The following RANBP2 variants were observed in gnomAD, a reference collection of about 807,000 sequenced individuals.
The protein encoded by RANBP2 is E3 SUMO-protein ligase RanBP2.
In RANBP2, 57 loss-of-function variants were observed where a neutral mutation model predicts 303.6. That is an observed-to-expected ratio of 0.19 (90% CI 0.15 to 0.23). The LOEUF is 0.23. RANBP2 is among the 10% of genes least tolerant of loss of function. The pLI is 1.00. For synonymous variants in RANBP2, 1,167 were observed against 1,301.5 expected (o/e 0.90, Z 2.23); for missense variants, 3,138 against 3,780.8 (o/e 0.83, Z 4.46).
the RANBP2 span, among the ~76,000 whole-genome samples, chr2:109,663,335 G>T: frequency 6.6e-6 from 1 of 152,132 alleles, no homozygotes; most frequent in Non-Finnish European, 1.5e-5. Context: ...TCCTCCATTA[G>T]CTGGGGATAT....
chr2:108,940,854 T>A, the RANBP2 span, among the ~76,000 whole-genome samples: 2 of 152,360 alleles, frequency 1.3e-5, no homozygotes, highest in East Asian at 3.9e-4. Context: ...ATTGCTCAGA[T>A]GATAGTTTTA....
chr2:109,656,015 C>T, the RANBP2 span, among the ~76,000 whole-genome samples: 1 of 152,142 alleles, frequency 6.6e-6, no homozygotes, highest in Non-Finnish European at 1.5e-5. Context: ...AACTGCTAAC[C>T]ATTCTTCTAA....
At chr2:109,760,461 C>A in the RANBP2 span, 1 of 967,454 alleles carries the variant, frequency 1.0e-6, no homozygotes, top group South Asian at 4.8e-5. Flanking sequence ...GGCGGCGGCG[C>A]GGCGAGCTCG....
At chr2:109,674,831 A>G in the RANBP2 span, among the ~76,000 whole-genome samples, 2 of 152,092 alleles carry the variant, frequency 1.3e-5, no homozygotes, top group African/African-American at 2.4e-5. Context: ...TTATTCTGAA[A>G]CCATAATTTC....
At chr2:109,637,867 A>G in the RANBP2 span, among the ~76,000 whole-genome samples, 2 of 152,262 alleles carry the variant, frequency 1.3e-5, no homozygotes, top group South Asian at 4.2e-4. Context: ...CTGAGGCAGG[A>G]GAATCGCTTG....
chr2:109,726,093 G>GTGTGTT, the RANBP2 span, among the ~76,000 whole-genome samples: 3 of 150,958 alleles, frequency 2.0e-5, no homozygotes, highest in African/African-American at 4.9e-5. Context: ...GTGTGTGTGT[G>GTGTGTT]TGTGTTTGTG....
the RANBP2 span, among the ~76,000 whole-genome samples, chr2:109,403,426 C>T: frequency 6.6e-6 from 1 of 152,212 alleles, no homozygotes; most frequent in African/African-American, 2.4e-5. Context: ...ATGAGGAAGC[C>T]GAGGCCCCAG....
At chr2:109,739,587 T>A in the RANBP2 span, among the ~76,000 whole-genome samples, 1 of 152,226 alleles carries the variant, frequency 6.6e-6, no homozygotes, top group African/African-American at 2.4e-5. Context: ...TCCTACAAAT[T>A]TACTGGATTT....
At chr2:109,337,475 A>G in the RANBP2 span, among the ~76,000 whole-genome samples, 1 of 152,166 alleles carries the variant, frequency 6.6e-6, no homozygotes, top group African/African-American at 2.4e-5. Flanking sequence ...TCAAATGGTG[A>G]TAAGGGACTG....
chr2:109,149,216 T>C, the RANBP2 span, among the ~76,000 whole-genome samples: 104,241 of 151,924 alleles, frequency 0.69, 36,687 homozygotes, highest in Non-Finnish European at 0.72. Context: ...CCACACCCAC[T>C]GCTTTTATTC....
At chr2:108,873,972 C>T in the RANBP2 span, among the ~76,000 whole-genome samples, 1 of 152,198 alleles carries the variant, frequency 6.6e-6, no homozygotes, top group South Asian at 2.1e-4. Context: ...TAACGCTGAT[C>T]TAAGACCACA....
chr2:109,517,112 T>C, the RANBP2 span, among the ~76,000 whole-genome samples: 3 of 152,084 alleles, frequency 2.0e-5, no homozygotes, highest in African/African-American at 7.2e-5. Flanking sequence ...CCAGAAACAC[T>C]GAGTTCTGGG....
the RANBP2 span, among the ~76,000 whole-genome samples, chr2:109,218,116 G>A: frequency 6.6e-6 from 1 of 151,206 alleles, no homozygotes; most frequent in African/African-American, 2.4e-5. Flanking sequence ...AAACTGAGTA[G>A]AGACAGAAAA....
the RANBP2 span, among the ~76,000 whole-genome samples, chr2:109,068,514 G>A: frequency 1.3e-5 from 2 of 152,226 alleles, no homozygotes; most frequent in East Asian, 1.9e-4. Flanking sequence ...AGTGGGGAAC[G>A]AACAGAGACT....
the RANBP2 span, chr2:108,798,708 TACACACACACAC>T: frequency 9.9e-4 from 425 of 428,630 alleles, no homozygotes; most frequent in South Asian, 3.2e-3. Context: ...TCTCCACGCC[TACACACACACAC>T]ACACACACAC....
At chr2:108,930,003 C>G in the RANBP2 span, 7 of 1,295,780 alleles carry the variant, frequency 5.4e-6, no homozygotes, top group Non-Finnish European at 7.4e-6. Context: ...GCGTGACCGG[C>G]TGGTTTGATA....
chr2:109,229,226 TC>T, the RANBP2 span, among the ~76,000 whole-genome samples: 1 of 152,158 alleles, frequency 6.6e-6, no homozygotes, highest in African/African-American at 2.4e-5. Flanking sequence ...GCTGTTCCCT[TC>T]CCCCTTTTTA....
At chr2:109,196,188 A>G in the RANBP2 span, among the ~76,000 whole-genome samples, 4 of 152,288 alleles carry the variant, frequency 2.6e-5, no homozygotes, top group African/African-American at 9.6e-5. Flanking sequence ...TGCAGCCTGG[A>G]GGCCTTGTCC....
chr2:108,719,546 G>A lies in RANBP2; in HGVS notation c.-61G>A. 1 of 1,563,054 alleles carries A rather than the reference G, an allele frequency of 6.4e-7. No individual in the cohort carries two copies. The highest frequency in any genetic ancestry group is 8.7e-7 in the Non-Finnish European group (1 of 1,155,224). On this transcript the variant is annotated 5_prime_UTR_variant, in exon 1 of 29. Transcript: ENST00000283195. ...TTGCAGGCGCTTTCCTCTTGGAAGTGGCGACTGCTGCGGGCCTGAGCGCTG... is the reference window on the plus strand; with the variant it reads ...TTGCAGGCGCTTTCCTCTTGGAAGTAGCGACTGCTGCGGGCCTGAGCGCTG...
Sources: allele counts gnomAD v4.1 joint callset (sites outside exome capture counted in the v4.1 genomes callset), GRCh38; gene constraint gnomAD v4.1.1; transcripts MANE v1.5; gene names NCBI Gene and HGNC (gene_info 2026-07-23, HGNC 2026-07-21).